SORCS2: variants seen among roughly 807,000 people sequenced by gnomAD.
SORCS2 encodes sortilin related VPS10 domain containing receptor 2.
SORCS2 carries 100 observed loss-of-function variants against 141.6 expected under a neutral mutation model. The ratio of observed to expected loss-of-function variants is 0.71; its 90% CI spans 0.60 to 0.83. The LOEUF (loss-of-function observed/expected upper bound fraction) is 0.83, where lower values mean the gene tolerates loss of function less well. Ranked by LOEUF, SORCS2 falls within the 40% of genes least tolerant of loss-of-function variation. SORCS2 has a pLI of 0.00. For missense variants in SORCS2, 1,646 were observed against 1,560.2 expected, an observed-to-expected ratio of 1.05 and a Z score of -0.93; for synonymous variants, 789 against 676.9, an observed-to-expected ratio of 1.17 and a Z score of -2.57.
chr4:7,694,299 C>G lies in SORCS2; in HGVS notation c.1592-2899C>G, dbSNP rs1356595971. ...GAGGCAGCAGAGAAGCTTCTCCCCT[C>G]ATCACCTCCCTCCACCCTGGGACCT... On this transcript the variant is annotated intron_variant, in intron 11 of 26. Transcript: ENST00000507866. Among the ~76,000 whole-genome samples, 3 of 152,064 alleles carry G rather than the reference C, an allele frequency of 2.0e-5. No individual in the cohort carries two copies. In the East Asian group the frequency reaches 5.8e-4, roughly 29 times the overall value.
intron 1 of SORCS2, among the ~76,000 whole-genome samples, chr4:7,392,905 G>C (rs35676666): frequency 3.6e-5 from 5 of 137,920 alleles, no homozygotes; most frequent in South Asian, 2.5e-4. Flanking sequence ...AGTCGGGGGG[G>C]GGGGGGTGCT....
chr4:7,643,462 C>T (rs1205706363), intron 4 of SORCS2, among the ~76,000 whole-genome samples: 1 of 152,208 alleles, frequency 6.6e-6, no homozygotes, highest in Non-Finnish European at 1.5e-5. Flanking sequence ...TCAAGCACTT[C>T]TTCTGCTTCC....
chr4:7,654,901 C>T (rs1449788279), intron 5 of SORCS2, among the ~76,000 whole-genome samples: 1 of 152,204 alleles, frequency 6.6e-6, no homozygotes, highest in African/African-American at 2.4e-5. Context: ...ACCAGCCACT[C>T]GAGTGCATCC....
rs1716202996 is a variant in SORCS2, at chr4:7,286,078, C to A, written c.480+92952C>A. 6.6e-6 allele frequency among the ~76,000 whole-genome samples: 1 copy of A among 152,226 alleles called. No individual in the cohort carries two copies. Among genetic ancestry groups the A allele is most frequent in the South Asian group, 2.1e-4 (1 of 4,832 alleles). The stretch of plus-strand genomic sequence containing the variant: ...CTGCCTCCCATCCATCTTCCCGGTG[C>A]CTCTTTGTGGTGGGTGTAACTGTCA... On this transcript the variant is annotated intron_variant, in intron 1 of 26. Coordinates refer to ENST00000507866, the MANE Select transcript of SORCS2 (RefSeq NM_020777.3). This position sits in a 1 kb window ranked among gnomAD's most constrained non-coding sequence, Gnocchi z 4.1.
chr4:7,341,369 G>A (rs1273948189), intron 1 of SORCS2, among the ~76,000 whole-genome samples: 1 of 152,228 alleles, frequency 6.6e-6, no homozygotes, highest in African/African-American at 2.4e-5. Flanking sequence ...TCCTAGTCCT[G>A]CAAATGGAGC....
At position 7,539,008 on chromosome 4, in the gene SORCS2, T is replaced by G. The variant is rs572525047; in HGVS notation, c.648+7379T>G. Among the ~76,000 whole-genome samples, 206 of 152,314 alleles carry G rather than the reference T, an allele frequency of 1.4e-3. 1 individual carries two copies. The highest frequency in any genetic ancestry group is 4.8e-3 in the African/African-American group (200 of 41,580). Reference sequence around the variant, plus strand: ...CTACAGCAGCCCTGCAGGGTAAGGATGCTCATGGGCCATTGCACAGGTGAA... The same window carrying G: ...CTACAGCAGCCCTGCAGGGTAAGGAGGCTCATGGGCCATTGCACAGGTGAA... On this transcript the variant is annotated intron_variant, in intron 3 of 26. Coordinates refer to ENST00000507866, the MANE Select transcript of SORCS2 (RefSeq NM_020777.3).
chr4:7,331,378 G>A (rs1450897167), intron 1 of SORCS2, among the ~76,000 whole-genome samples: 2 of 152,148 alleles, frequency 1.3e-5, no homozygotes, highest in African/African-American at 4.8e-5. Flanking sequence ...CAGAAGTGGG[G>A]GTGGGTGATC....
intron 3 of SORCS2, among the ~76,000 whole-genome samples, chr4:7,564,210 G>A (rs1358643700): frequency 6.6e-6 from 1 of 152,144 alleles, no homozygotes; most frequent in Non-Finnish European, 1.5e-5. Flanking sequence ...ACACACTTGA[G>A]GCCATTTGTC....
chr4:7,578,343 G>A (rs1052759304), intron 3 of SORCS2, among the ~76,000 whole-genome samples: 3 of 152,150 alleles, frequency 2.0e-5, no homozygotes, highest in African/African-American at 7.2e-5. Context: ...CAGATATTCT[G>A]TTTATGGCAA....
At position 7,245,278 on chromosome 4, in the gene SORCS2, C is replaced by G. The variant is rs34295398; in HGVS notation, c.480+52152C>G. 7.7e-3 allele frequency among the ~76,000 whole-genome samples: 1,174 copies of G among 152,330 alleles called. 13 individuals carry two copies. Among genetic ancestry groups the G allele is most frequent in the African/African-American group, 0.026 (1,099 of 41,574 alleles). ...GGCAAAGCCACAGTGGTCCACCCCC[C>G]ACCCCGGCTTGGCTTACCTGGACCT... On this transcript the variant is annotated intron_variant, in intron 1 of 26. Coordinates refer to ENST00000507866, the MANE Select transcript of SORCS2 (RefSeq NM_020777.3).
chr4:7,193,233 G>A lies in SORCS2; in HGVS notation c.480+107G>A. 7.8e-7 allele frequency: 1 copy of A among 1,277,916 alleles called. No homozygotes were observed. The highest frequency in any genetic ancestry group is 2.4e-5 in the South Asian group (1 of 41,390). The allele number at this position is 1,277,916 out of a possible 1,614,324, so 79.2% of individuals were successfully genotyped here. On this transcript the variant is annotated intron_variant, in intron 1 of 26. Coordinates refer to ENST00000507866, the MANE Select transcript of SORCS2 (RefSeq NM_020777.3). The surrounding 1 kb of genome is among the most constrained non-coding windows in gnomAD (Gnocchi z 4.8). ...CCAGATCCCCACTATGGTCATCAGGGGCGGGTTCTTGGCGACTTGGGCACT... is the reference window on the plus strand; with the variant it reads ...CCAGATCCCCACTATGGTCATCAGGAGCGGGTTCTTGGCGACTTGGGCACT...
At chr4:7,689,780 G>A (rs892959953) in intron 11 of SORCS2, among the ~76,000 whole-genome samples, 192 bp downstream of exon 11, 13 of 152,384 alleles carry the variant, frequency 8.5e-5, no homozygotes, top group African/African-American at 2.4e-4. Context: ...CCCAGGGTGG[G>A]CATATGGTAT....
rs1399323807 is a variant in SORCS2, at chr4:7,228,325, G to A, written c.480+35199G>A. 2.0e-5 allele frequency among the ~76,000 whole-genome samples: 3 copies of A among 152,256 alleles called. No homozygotes were observed. The East Asian group carries it at 5.8e-4, about 29-fold the overall frequency. On this transcript the variant is annotated intron_variant, in intron 1 of 26. Coordinates refer to ENST00000507866, the MANE Select transcript of SORCS2 (RefSeq NM_020777.3). ...AATAAATACAGACGCATCCTGGGGT[G>A]CAGGGTGTTAACTAGGGCTTCAACA...
intron 2 of SORCS2, among the ~76,000 whole-genome samples, chr4:7,403,997 A>ATATATATATATATATATATT (rs1265288820): frequency 1.4e-3 from 26 of 18,900 alleles, no homozygotes; most frequent in Non-Finnish European, 3.0e-3. Context: ...ATATATATAT[A>ATATATATATATATATATATT]TTTTTTTTTT....
intron 4 of SORCS2, among the ~76,000 whole-genome samples, chr4:7,650,710 C>T (rs1322691142): frequency 8.4e-6 from 1 of 118,782 alleles, no homozygotes; most frequent in Non-Finnish European, 1.8e-5. Flanking sequence ...CTCTCCAGCC[C>T]TCTCTCCCCG....
Position 7,656,363 on chromosome 4 carries a change from C to A in SORCS2, c.887+2156C>A, listed in dbSNP as rs142245175. Among the ~76,000 whole-genome samples, 469 of 152,260 alleles carry A rather than the reference C, an allele frequency of 3.1e-3. 3 individuals are homozygous for A. The highest frequency in any genetic ancestry group is 0.011 in the African/African-American group (444 of 41,578). On this transcript the variant is annotated intron_variant, in intron 5 of 26. Transcript: ENST00000507866. Reference sequence around the variant, plus strand: ...CAGAATCATAACAGCAGCTGCCCCGCAGCCATCCTGCTTTGAATACTGAGT... The same window carrying A: ...CAGAATCATAACAGCAGCTGCCCCGAAGCCATCCTGCTTTGAATACTGAGT...
intron 2 of SORCS2, among the ~76,000 whole-genome samples, chr4:7,455,115 G>C (rs1388765986): frequency 5.9e-5 from 4 of 68,282 alleles, no homozygotes; most frequent in African/African-American, 1.7e-4. Context: ...GTCAGGAGCT[G>C]TGTGTTGGGG....
chr4:7,724,008 G>A (rs770697036), intron 19 of SORCS2, 125 bp downstream of exon 19: 36 of 1,150,602 alleles, frequency 3.1e-5, no homozygotes, highest in East Asian at 3.1e-4. Context: ...CGGTGAACCC[G>A]AGGGCAGGGA....
chr4:7,303,805 G>A (rs1381956266), intron 1 of SORCS2, among the ~76,000 whole-genome samples: 2 of 152,228 alleles, frequency 1.3e-5, no homozygotes, highest in African/African-American at 2.4e-5. Context: ...ACCTCGGCGC[G>A]TCTCTGTCCG....
Sources: gnomAD v4.1 joint callset for allele counts (sites outside exome capture counted in the v4.1 genomes callset) on GRCh38, gnomAD v4.1.1 for gene constraint, Gnocchi (gnomAD v3.1) non-coding constraint, MANE v1.5 for transcripts, NCBI Gene and HGNC (gene_info 2026-07-23, HGNC 2026-07-21) for gene names.